The following DNAH17 variants were observed in gnomAD, a reference collection of about 807,000 sequenced individuals.
The protein encoded by DNAH17 is axonemal beta dynein heavy chain 17.
DNAH17 carries 376 observed loss-of-function variants against 485.6 expected under a neutral mutation model. That is an observed-to-expected ratio of 0.77 (90% CI 0.71 to 0.84). The LOEUF is 0.84. Among genes scored for constraint, DNAH17 ranks in the 40% least tolerant of loss-of-function variants. The pLI is 0.00. For synonymous variants in DNAH17, 3,031 were observed against 2,405.9 expected (o/e 1.26, Z -7.60); for missense variants, 6,370 against 5,839.3 (o/e 1.09, Z -2.96).
At chr17:78,460,796 C>A (rs2088081072) in intron 58 of DNAH17, among the ~76,000 whole-genome samples, 1 of 152,162 alleles carries the variant, frequency 6.6e-6, no homozygotes, top group Non-Finnish European at 1.5e-5. Context: ...GGGGCTGTTT[C>A]ATAATCCATC....
Position 78,518,943 on chromosome 17 carries a change from C to A in DNAH17, c.3865-3921G>T, listed in dbSNP as rs557221853. On this transcript the variant is annotated intron_variant, in intron 25 of 80. Transcript: ENST00000389840. Reference sequence around the variant, plus strand: ...CAGCACTTTGGGAAGCCGAAGTGGGCTGATCACAAGGTCAGGAGATCGAGA... The same window carrying A: ...CAGCACTTTGGGAAGCCGAAGTGGGATGATCACAAGGTCAGGAGATCGAGA... Among the ~76,000 whole-genome samples the A allele has an allele frequency of 1.1e-4, 17 of 151,950 alleles. No homozygotes were observed. The South Asian group carries it at 3.3e-3, about 30-fold the overall frequency.
chr17:78,550,318 G>A (rs1056680872), intron 16 of DNAH17, among the ~76,000 whole-genome samples: 3 of 8,870 alleles, frequency 3.4e-4, no homozygotes, highest in African/African-American at 2.0e-3. Flanking sequence ...GGCTCATGCA[G>A]GAAGGAGGCA....
At chr17:78,543,287 G>GTATTTTTTTTTTTTTTTTTTT (rs1200669389) in intron 17 of DNAH17, among the ~76,000 whole-genome samples, 6 of 139,226 alleles carry the variant, frequency 4.3e-5, no homozygotes, top group African/African-American at 1.6e-4. Flanking sequence ...GTTAATTTTT[G>GTATTTTTTTTTTTTTTTTTTT]TTTTTTTTTT....
intron 26 of DNAH17, among the ~76,000 whole-genome samples, chr17:78,514,325 T>C (rs2090716898): frequency 6.6e-6 from 1 of 151,476 alleles, no homozygotes; most frequent in Admixed American, 6.6e-5. Flanking sequence ...GCCAATATGG[T>C]GAAACCCCGT....
intron 1 of DNAH17, among the ~76,000 whole-genome samples, chr17:78,576,422 C>T (rs970466836): frequency 2.0e-5 from 3 of 152,076 alleles, no homozygotes; most frequent in South Asian, 2.1e-4. Context: ...TGGCGGTCCA[C>T]GAGCAAAGCC....
intron 33 of DNAH17, 64 bp from the exon 34 acceptor site, chr17:78,501,937 G>C: frequency 2.5e-6 from 4 of 1,601,434 alleles, no homozygotes; most frequent in African/African-American, 1.3e-5. Flanking sequence ...GGGTCTTGTG[G>C]CTGGGTGCCC....
rs28454411 is a variant in DNAH17 at position 78,479,727 on chromosome 17, T to C, written c.7753-95A>G. On this transcript the variant is annotated intron_variant, in intron 49 of 80. Transcript: ENST00000389840. Reference sequence around the variant, plus strand: ...CGCGGGAGAGTGGCCCCTGTCCTCATGTTCTAAGGTCTTTTGGGCATTGTC... The same window carrying C: ...CGCGGGAGAGTGGCCCCTGTCCTCACGTTCTAAGGTCTTTTGGGCATTGTC... 230,119 of 1,537,224 alleles carry C rather than the reference T, an allele frequency of 0.15. 19,527 individuals are homozygous for C. Among genetic ancestry groups the C allele is most frequent in the African/African-American group, 0.34 (24,439 of 72,164 alleles).
chr17:78,536,903 C>A (rs750993226), intron 19 of DNAH17, among the ~76,000 whole-genome samples: 2 of 151,760 alleles, frequency 1.3e-5, no homozygotes, highest in Non-Finnish European at 2.9e-5. Flanking sequence ...GGGCCGGGCG[C>A]GGTGGCTCAC....
chr17:78,532,452 AG>A lies in DNAH17; in HGVS notation c.3114+29del, dbSNP rs765579805. ...CCTCTCCTGGAAGACTCTGGAGACAAGGAGGCTGGTGGGTGAGGTCTGCACG... is the reference window on the plus strand; with the variant it reads ...CCTCTCCTGGAAGACTCTGGAGACAAGAGGCTGGTGGGTGAGGTCTGCACG... On this transcript the variant is annotated intron_variant, in intron 20 of 80. Transcript: ENST00000389840. 24 of 1,583,088 alleles carry A rather than the reference AG, an allele frequency of 1.5e-5. No homozygotes were observed. In the African/African-American group the frequency reaches 3.2e-4, roughly 21 times the overall value.
rs370923300 is a variant in DNAH17 at position 78,510,374 on chromosome 17, C to T, written c.4236+10G>A. On this transcript the variant is annotated intron_variant, in intron 27 of 80. Transcript: ENST00000389840. ...CACGTTGCACAGACAGCACCGCCAG[C>T]ACGGCCTACCTTTTCCATGCCCGAC... 1.2e-4 allele frequency: 186 copies of T among 1,611,372 alleles called. No homozygotes were observed. The highest frequency in any genetic ancestry group is 1.5e-4 in the Non-Finnish European group (171 of 1,179,140).
chr17:78,552,022 C>T (rs2091913463), intron 15 of DNAH17, among the ~76,000 whole-genome samples: 1 of 151,838 alleles, frequency 6.6e-6, no homozygotes, highest in Non-Finnish European at 1.5e-5. Flanking sequence ...GCTTAACACT[C>T]ATCACTATGA....
At chr17:78,549,146 A>AGC (rs745778309) in intron 16 of DNAH17, among the ~76,000 whole-genome samples, 60 of 152,302 alleles carry the variant, frequency 3.9e-4, no homozygotes, top group Non-Finnish European at 7.1e-4. Flanking sequence ...TTCGAGTCCT[A>AGC]GCTCCTGTGT....
chr17:78,425,322 CAG>C, intron 80 of DNAH17, 22 bp downstream of exon 80: 1 of 1,605,034 alleles, frequency 6.2e-7, no homozygotes, highest in Non-Finnish European at 8.5e-7. Context: ...GAAGCTTCTG[CAG>C]ACAGACAAGA....
At chr17:78,474,009 T>C (rs2088895532) in intron 54 of DNAH17, among the ~76,000 whole-genome samples, 1 of 152,166 alleles carries the variant, frequency 6.6e-6, no homozygotes, top group Non-Finnish European at 1.5e-5. Flanking sequence ...GGCCCCTTTA[T>C]ACATGGAGTA....
Position 78,553,283 on chromosome 17 carries a change from G to GTTTTTTTTTTTT in DNAH17, c.2179-490_2179-479dup, listed in dbSNP as rs60587420. The stretch of plus-strand genomic sequence containing the variant: ...AAATTACCCAGTCCCAGGTTTTTGT[G>GTTTTTTTTTTTT]TTTTTTTTTTTTTTTTTTTTTTTTT... On this transcript the variant is annotated intron_variant, in intron 14 of 80. Transcript: ENST00000389840. Among the ~76,000 whole-genome samples the GTTTTTTTTTTTT allele has an allele frequency of 7.4e-4, 38 of 51,034 alleles. 6 individuals carry two copies. Among genetic ancestry groups the GTTTTTTTTTTTT allele is most frequent in the Admixed American group, 1.3e-3 (5 of 3,742 alleles). 33.5% of individuals were successfully genotyped at this position (51,034 alleles called of 152,430 possible). A position where few individuals can be genotyped will look rare whatever the true frequency, so the allele number is the denominator to read the frequency against.
intron 80 of DNAH17, 64 bp downstream of exon 80, chr17:78,425,282 A>G (rs77118880): frequency 1.1e-5 from 12 of 1,044,244 alleles, no homozygotes; most frequent in Non-Finnish European, 1.6e-5. Context: ...AGCTAGTTTT[A>G]TCTTGTCTTG....
intron 78 of DNAH17, 77 bp from the exon 79 acceptor site, chr17:78,426,677 G>A (rs772344122): frequency 2.1e-5 from 32 of 1,519,988 alleles, no homozygotes; most frequent in Non-Finnish European, 2.8e-5. Flanking sequence ...CGTGTCATGA[G>A]TTGTCAACAC....
chr17:78,572,202 G>C (rs943015211), intron 3 of DNAH17, among the ~76,000 whole-genome samples: 1 of 152,126 alleles, frequency 6.6e-6, no homozygotes, highest in East Asian at 1.9e-4. Flanking sequence ...TATCAGGGCG[G>C]TTGCAAATTG....
intron 16 of DNAH17, among the ~76,000 whole-genome samples, chr17:78,544,940 AAT>A (rs2091716241): frequency 1.3e-5 from 2 of 152,086 alleles, no homozygotes; most frequent in African/African-American, 4.8e-5. Flanking sequence ...CAAAACACCT[AAT>A]AAGTTTTTTT....
Sources: gnomAD v4.1 joint callset for allele counts (sites outside exome capture counted in the v4.1 genomes callset) on GRCh38, gnomAD v4.1.1 for gene constraint, MANE v1.5 for transcripts, NCBI Gene and HGNC (gene_info 2026-07-23, HGNC 2026-07-21) for gene names.